DLGAP2: variants seen among roughly 807,000 people sequenced by gnomAD.
The protein encoded by DLGAP2 is DLG associated protein 2, also known as disks large-associated protein 2.
Under a neutral mutation model 100.3 loss-of-function variants are expected in DLGAP2, and 26 were observed. That is an observed-to-expected ratio of 0.26 (90% CI 0.19 to 0.36). The LOEUF (loss-of-function observed/expected upper bound fraction) is 0.36, where lower values mean the gene tolerates loss of function less well. Ranked by LOEUF, DLGAP2 falls within the 10% of genes least tolerant of loss-of-function variation. DLGAP2 has a pLI of 1.00. For synonymous variants in DLGAP2, 886 were observed against 630.1 expected (o/e 1.41, Z -6.08); for missense variants, 1,858 against 1,453.2 (o/e 1.28, Z -4.53).
intron 3 of DLGAP2, among the ~76,000 whole-genome samples, chr8:1,488,482 C>A (rs528907677): frequency 3.9e-5 from 6 of 152,128 alleles, no homozygotes; most frequent in Non-Finnish European, 7.3e-5. Context: ...CCAGTCGGAA[C>A]GGTGCCTGGC....
intron 2 of DLGAP2, among the ~76,000 whole-genome samples, chr8:1,079,896 C>T (rs1263824586): frequency 2.6e-5 from 4 of 152,224 alleles, no homozygotes; most frequent in African/African-American, 7.2e-5. Flanking sequence ...TGGGGCCGCA[C>T]GGCCCTGTGA....
At chr8:800,646 G>A (rs1365880938) in intron 1 of DLGAP2, among the ~76,000 whole-genome samples, 4 of 152,166 alleles carry the variant, frequency 2.6e-5, no homozygotes, top group Non-Finnish European at 5.9e-5. Flanking sequence ...GCATGTCTAT[G>A]TGTGCACATG....
At chr8:782,525 C>T (rs574760314) in intron 1 of DLGAP2, among the ~76,000 whole-genome samples, 36 of 152,170 alleles carry the variant, frequency 2.4e-4, no homozygotes, top group Admixed American at 7.2e-4. Context: ...CTCTACATGT[C>T]AATATTTGAT....
chr8:1,605,020 G>A (rs528985650), intron 6 of DLGAP2, among the ~76,000 whole-genome samples: 43 of 152,268 alleles, frequency 2.8e-4, no homozygotes, highest in Admixed American at 7.2e-4. Flanking sequence ...GTTGTTAGAA[G>A]CAACAGCACC....
chr8:1,540,477 C>T (rs1196805604), intron 4 of DLGAP2, among the ~76,000 whole-genome samples: 2 of 152,144 alleles, frequency 1.3e-5, no homozygotes, highest in African/African-American at 4.8e-5. Flanking sequence ...AAACTCATAC[C>T]ACAGAAGATC....
At chr8:1,430,106 C>T (rs531598533) in intron 3 of DLGAP2, among the ~76,000 whole-genome samples, 9 of 145,376 alleles carry the variant, frequency 6.2e-5, no homozygotes, top group Non-Finnish European at 9.0e-5. Flanking sequence ...AAACCACTGC[C>T]GCAGCATTTT....
At chr8:892,375 G>T (rs773849902) in intron 1 of DLGAP2, among the ~76,000 whole-genome samples, 3 of 152,176 alleles carry the variant, frequency 2.0e-5, no homozygotes, top group Non-Finnish European at 2.9e-5. Flanking sequence ...CCTCAAAGAG[G>T]AACGAAATCC....
At chr8:1,519,427 C>G (rs1324255388) in intron 4 of DLGAP2, among the ~76,000 whole-genome samples, 1 of 152,158 alleles carries the variant, frequency 6.6e-6, no homozygotes, top group African/African-American at 2.4e-5. Flanking sequence ...CTGAAAGGGC[C>G]TTTGCAATTC....
intron 2 of DLGAP2, among the ~76,000 whole-genome samples, chr8:1,061,584 C>G (rs975607520): frequency 1.4e-5 from 2 of 147,386 alleles, no homozygotes; most frequent in Non-Finnish European, 3.0e-5. Flanking sequence ...GAGCTGGAGT[C>G]TCGCTACTCC....
intron 3 of DLGAP2, among the ~76,000 whole-genome samples, chr8:1,360,865 A>G (rs747143443): frequency 1.5e-4 from 23 of 152,224 alleles, no homozygotes; most frequent in Middle Eastern, 6.3e-3. Flanking sequence ...AGATCCAGAC[A>G]GAGACCCGGG....
chr8:1,645,475 A>G (rs1161239643), intron 8 of DLGAP2, among the ~76,000 whole-genome samples: 4 of 152,288 alleles, frequency 2.6e-5, no homozygotes, highest in South Asian at 2.1e-4. Context: ...CCCACTTACG[A>G]TGTTTTTAGT....
intron 5 of DLGAP2, 112 bp downstream of exon 5, chr8:1,549,795 A>G (rs1393626254): frequency 7.7e-6 from 9 of 1,176,384 alleles, no homozygotes; most frequent in Admixed American, 2.8e-5. Context: ...GTTGTGCAAC[A>G]GGATGTTCTG....
At position 1,549,268 on chromosome 8, in the gene DLGAP2, C is replaced by T. The variant is rs768964750; in HGVS notation, c.815C>T (p.Ala272Val). 3.7e-6 allele frequency: 6 copies of T among 1,611,228 alleles called. No individual in the cohort carries two copies. In the African/African-American group the frequency reaches 8.0e-5, roughly 22 times the overall value. The change falls in exon 5 of 15, where the codon GCC becomes GTC. Residue 272 changes from alanine to valine, a missense_variant. Physicochemically the swap from Ala to Val is moderately conservative, Grantham distance 64. Transcript: ENST00000637795. The part of the protein sequence containing the change: ...RADDHHHAHH[A>V]KHSKRSKSKE... ...GACGACCACCACCACGCCCACCACG[C>T]CAAGCACAGCAAGAGGAGCAAGAGC...
intron 2 of DLGAP2, among the ~76,000 whole-genome samples, chr8:991,628 G>A (rs1584953174): frequency 3.1e-3 from 1 of 320 alleles, no homozygotes; most frequent in Non-Finnish European, 7.5e-3. Context: ...CCCCATACTC[G>A]GAGTTCCTGT....
chr8:1,140,446 C>T (rs1217050139), intron 2 of DLGAP2, among the ~76,000 whole-genome samples: 2 of 152,160 alleles, frequency 1.3e-5, no homozygotes, highest in East Asian at 3.9e-4. Context: ...CCAGCAACTC[C>T]CAGAACCAGC....
intron 2 of DLGAP2, among the ~76,000 whole-genome samples, chr8:1,169,691 G>A (rs1298903496): frequency 4.6e-5 from 7 of 151,754 alleles, no homozygotes; most frequent in South Asian, 4.2e-4. Flanking sequence ...TTTGTCTGTT[G>A]TTGGTGTATA....
At chr8:913,913 A>T (rs892991938) in intron 2 of DLGAP2, among the ~76,000 whole-genome samples, 1 of 152,206 alleles carries the variant, frequency 6.6e-6, no homozygotes, top group Admixed American at 6.5e-5. Flanking sequence ...CGGCCCCCGG[A>T]GCCCCGGGAC....
At chr8:1,626,132 G>T (rs1797489697) in intron 6 of DLGAP2, among the ~76,000 whole-genome samples, 4 of 148,322 alleles carry the variant, frequency 2.7e-5, no homozygotes, top group Non-Finnish European at 4.4e-5. Flanking sequence ...CCTCTGCCCT[G>T]TGGCGGGTGC....
At chr8:823,938 C>T (rs941253327) in intron 1 of DLGAP2, among the ~76,000 whole-genome samples, 4 of 152,202 alleles carry the variant, frequency 2.6e-5, no homozygotes, top group Admixed American at 6.5e-5. Context: ...TACGATGGAA[C>T]CCCACTTAGC....
Sources: allele counts gnomAD v4.1 joint callset (sites outside exome capture counted in the v4.1 genomes callset), GRCh38; gene constraint gnomAD v4.1.1; transcripts MANE v1.5; gene names NCBI Gene and HGNC (gene_info 2026-07-23, HGNC 2026-07-21).